Variants in SYCE2 observed in about 807,000 individuals in gnomAD.
SYCE2 encodes the protein synaptonemal complex central element protein 2.
A neutral mutation model predicts 27.9 loss-of-function variants in SYCE2; 3 were observed. The ratio of observed to expected loss-of-function variants is 0.11; its 90% CI spans 0.05 to 0.28. The LOEUF (loss-of-function observed/expected upper bound fraction) is 0.28. Ranked by LOEUF, SYCE2 falls within the 10% of genes least tolerant of loss-of-function variation. The pLI, the probability that SYCE2 is intolerant of heterozygous loss-of-function variation, is 1.00. For synonymous variants in SYCE2, 85 were observed against 100.7 expected, an observed-to-expected ratio of 0.84 and a Z score of 0.93; for missense variants, 207 against 263.5, an observed-to-expected ratio of 0.79 and a Z score of 1.48.
chr19:12,912,979 C>T (rs1023872037), intron 2 of SYCE2, among the ~76,000 whole-genome samples: 1 of 152,210 alleles, frequency 6.6e-6, no homozygotes, highest in Non-Finnish European at 1.5e-5. Context: ...CCTGGGCCTG[C>T]ATTCACCAAT....
chr19:12,901,128 C>A (rs1383447823), intron 3 of SYCE2, among the ~76,000 whole-genome samples: 1 of 151,320 alleles, frequency 6.6e-6, no homozygotes, highest in Non-Finnish European at 1.5e-5. Flanking sequence ...GAGATCGCGC[C>A]ACTGCACTCC....
At position 12,900,072 on chromosome 19, in the gene SYCE2, G is replaced by C; in HGVS notation, c.544C>G (p.Pro182Ala). 1.2e-6 allele frequency: 2 copies of C among 1,613,618 alleles called. No homozygotes were observed. Among genetic ancestry groups the C allele is most frequent in the Non-Finnish European group, 1.7e-6 (2 of 1,179,966 alleles). Residue 182 changes from proline to alanine, a missense_variant, in exon 5 of 6, where the codon CCA (proline) becomes GCA (alanine). Coordinates refer to ENST00000293695, the MANE Select transcript of SYCE2 (RefSeq NM_001105578.2). The part of the protein sequence containing the change: ...WGPDHSRGKS[P>A]PRPGNSQPPD... The stretch of plus-strand genomic sequence containing the variant: ...GGCTGTGAGTTGCCGGGACGTGGTG[G>C]GGACTTTCCCCTAGAGTGGTCTGGC...
rs750365693 is a variant in SYCE2 at position 12,904,519 on chromosome 19, G to T, written c.279C>A (p.Thr93=). The T allele has an allele frequency of 3.3e-5, 53 of 1,614,072 alleles. No individual in the cohort carries two copies. Among genetic ancestry groups the T allele is most frequent in the Middle Eastern group, 1.6e-4 (1 of 6,062 alleles). ...TGGTCTTCAGGCTGTTCCTGAAGTT[G>T]GTCATGAGTGCATGGTCCTTTTGCC... is the stretch of plus-strand genomic sequence containing the variant. ...KSRQKDHALM[T]NFRNSLKTKV... is the part of the protein sequence containing the mutation. The change falls in exon 3 of 6, where the codon ACC becomes ACA. Residue 93 remains threonine (T), a synonymous_variant. Coordinates refer to ENST00000293695, the MANE Select transcript of SYCE2 (RefSeq NM_001105578.2).
At chr19:12,907,858 A>C in intron 2 of SYCE2, among the ~76,000 whole-genome samples, 1 of 152,150 alleles carries the variant, frequency 6.6e-6, no homozygotes, top group East Asian at 1.9e-4. Flanking sequence ...TCACGCCTGT[A>C]ATACCAGCAC....
intron 3 of SYCE2, among the ~76,000 whole-genome samples, chr19:12,901,718 C>T (rs1052940035): frequency 1.3e-5 from 2 of 151,972 alleles, no homozygotes; most frequent in African/African-American, 2.4e-5. Flanking sequence ...TGGGTTCAAG[C>T]GATTCTCCTG....
chr19:12,900,079 T>C lies in SYCE2; in HGVS notation c.537A>G (p.Gly179=). The change falls in exon 5 of 6, where the codon GGA becomes GGG. Residue 179 remains glycine, a synonymous_variant. Transcript: ENST00000293695. The part of the protein sequence containing the change: ...RLRWGPDHSR[G]KSPPRPGNSQ... ...AGTTGCCGGGACGTGGTGGGGACTT[T>C]CCCCTAGAGTGGTCTGGCCCCCATC... The C allele has an allele frequency of 1.2e-6, 2 of 1,613,422 alleles. No individual in the cohort carries two copies. The highest frequency in any genetic ancestry group is 4.5e-5 in the East Asian group (2 of 44,882).
At chr19:12,918,925 T>A (rs1322594253) in intron 1 of SYCE2, among the ~76,000 whole-genome samples, 9 of 145,646 alleles carry the variant, frequency 6.2e-5, no homozygotes, top group Non-Finnish European at 1.2e-4. Flanking sequence ...CACTCCAGAC[T>A]GGGCGACAGA....
intron 3 of SYCE2, among the ~76,000 whole-genome samples, chr19:12,901,303 G>A (rs1162726490): frequency 6.6e-6 from 1 of 151,940 alleles, no homozygotes; most frequent in Non-Finnish European, 1.5e-5. Context: ...TTGAACCTGG[G>A]AGGTGGAGGT....
In SYCE2 at chr19:12,900,104, C is replaced by T. The variant is rs1970804923; in HGVS notation, c.512G>A (p.Arg171Lys). The T allele has an allele frequency of 6.2e-7, 1 of 1,612,504 alleles. No homozygotes were observed. Among genetic ancestry groups the T allele is most frequent in the African/African-American group, 1.3e-5 (1 of 74,828 alleles). Residue 171 changes from arginine (R) to lysine (K), a missense_variant, in exon 5 of 6, where the codon AGA becomes AAA. Arg to Lys is a conservative substitution (Grantham distance 26, BLOSUM62 2). Coordinates refer to ENST00000293695, the MANE Select transcript of SYCE2 (RefSeq NM_001105578.2). ...TCCCCTAGAGTGGTCTGGCCCCCAT[C>T]TGAGTCTTAGGCTCTGCTGTAAAAA... ...CLQPEQSLRLRWGPDHSRGKS... is the reference protein window; with the variant it reads ...CLQPEQSLRLKWGPDHSRGKS...
chr19:12,919,164 G>C, intron 1 of SYCE2, 79 bp downstream of exon 1: 1 of 1,583,052 alleles, frequency 6.3e-7, no homozygotes. Context: ...GGGTCCGCTG[G>C]AGATGGCTGG....
At chr19:12,900,425 C>T in intron 4 of SYCE2, 35 bp downstream of exon 4, 7 of 1,601,878 alleles carry the variant, frequency 4.4e-6, no homozygotes, top group Non-Finnish European at 6.0e-6. Flanking sequence ...TGTCCTCTTC[C>T]TCAGGCAGCG....
In SYCE2 at chr19:12,904,583, T is replaced by C; in HGVS notation, c.215A>G (p.Lys72Arg). 1 of 1,614,128 alleles carries C rather than the reference T, an allele frequency of 6.2e-7. No individual in the cohort carries two copies. The highest frequency in any genetic ancestry group is 8.5e-7 in the Non-Finnish European group (1 of 1,180,038). The change falls in exon 3 of 6, where the codon AAG becomes AGG. Residue 72 changes from lysine (K) to arginine (R), a missense_variant. Coordinates refer to ENST00000293695, the MANE Select transcript of SYCE2 (RefSeq NM_001105578.2). Reference protein sequence around the residue: ...SLDSSIDILQKRAQELIENIN... With the variant: ...SLDSSIDILQRRAQELIENIN... ...GTTTTCGATCAGCTCCTGGGCTCTC[T>C]TCTGCAGGATGTCAATGCTTGAGTC...
chr19:12,899,555 G>T, intron 5 of SYCE2, 170 bp from the exon 6 acceptor site: 1 of 1,614,132 alleles, frequency 6.2e-7, no homozygotes, highest in Non-Finnish European at 8.5e-7. Context: ...GCTCCATCAG[G>T]GGCCCGAAAC....
At chr19:12,919,149 G>C in intron 1 of SYCE2, 94 bp downstream of exon 1, 2 of 1,545,254 alleles carry the variant, frequency 1.3e-6, no homozygotes, top group Non-Finnish European at 1.8e-6. Flanking sequence ...CAAGCGGCCG[G>C]GCTCGGGTCC....
At chr19:12,918,416 C>A (rs890549966) in intron 1 of SYCE2, 79 bp from the exon 2 acceptor site, 73 of 1,330,464 alleles carry the variant, frequency 5.5e-5, no homozygotes, top group Non-Finnish European at 6.9e-5. Context: ...CCCTTCAACC[C>A]TGGTCACCTC....
intron 5 of SYCE2, 111 bp downstream of exon 5, chr19:12,899,893 T>G: frequency 1.1e-6 from 1 of 920,012 alleles, no homozygotes; most frequent in Non-Finnish European, 1.7e-6. Context: ...CCTCCCTCCC[T>G]CCCATCTGGG....
intron 3 of SYCE2, among the ~76,000 whole-genome samples, chr19:12,901,695 A>G (rs1360464428): frequency 1.3e-5 from 2 of 152,002 alleles, no homozygotes; most frequent in African/African-American, 4.8e-5. Flanking sequence ...GGCTCACTGC[A>G]ACCTCCGCCT....
chr19:12,919,195 T>C, intron 1 of SYCE2, 48 bp downstream of exon 1: 4 of 1,606,546 alleles, frequency 2.5e-6, no homozygotes, highest in South Asian at 1.1e-5. Flanking sequence ...GTTCCCTGCC[T>C]ATCTGTCCGC....
chr19:12,908,992 T>C (rs1464455809), intron 2 of SYCE2, among the ~76,000 whole-genome samples: 1 of 152,214 alleles, frequency 6.6e-6, no homozygotes, highest in Non-Finnish European at 1.5e-5. Context: ...AAGGCATTCA[T>C]TCCCGTAGCA....
Sources: gnomAD v4.1 joint callset for allele counts (sites outside exome capture counted in the v4.1 genomes callset) on GRCh38, gnomAD v4.1.1 for gene constraint, MANE v1.5 for transcripts, NCBI Gene and HGNC (gene_info 2026-07-23, HGNC 2026-07-21) for gene names.